The following PLCXD3 variants were observed in gnomAD, a reference collection of about 807,000 sequenced individuals.
The protein encoded by PLCXD3 is phosphatidylinositol specific phospholipase C X domain containing 3.
In PLCXD3, 19 loss-of-function variants were observed where a neutral mutation model predicts 25.5. The ratio of observed to expected loss-of-function variants is 0.75; its 90% CI spans 0.52 to 1.09. The LOEUF (loss-of-function observed/expected upper bound fraction) is 1.09. PLCXD3 is among the 50% of genes least tolerant of loss of function. PLCXD3 has a pLI of 0.00. For missense variants in PLCXD3, 411 were observed against 388.1 expected (o/e 1.06, Z -0.50); for synonymous variants, 174 against 137.6 (o/e 1.26, Z -1.85).
At chr5:41,334,515 C>G (rs1356300492) in intron 2 of PLCXD3, among the ~76,000 whole-genome samples, 1 of 152,094 alleles carries the variant, frequency 6.6e-6, no homozygotes, top group East Asian at 1.9e-4. Flanking sequence ...TTCAGTTTTC[C>G]AAGTGGAAAA....
intron 1 of PLCXD3, among the ~76,000 whole-genome samples, chr5:41,465,465 T>C (rs1228376503): frequency 6.8e-6 from 1 of 146,028 alleles, no homozygotes; most frequent in Non-Finnish European, 1.5e-5. Context: ...TATAAGTATG[T>C]GCCCAGTCTT....
At chr5:41,493,540 G>A (rs1748757094) in intron 1 of PLCXD3, among the ~76,000 whole-genome samples, 1 of 152,234 alleles carries the variant, frequency 6.6e-6, no homozygotes, top group Non-Finnish European at 1.5e-5. Flanking sequence ...CCCAGAGGTG[G>A]AGCCTGCAGA....
At chr5:41,453,916 AT>A in intron 1 of PLCXD3, among the ~76,000 whole-genome samples, 1 of 152,120 alleles carries the variant, frequency 6.6e-6, no homozygotes, top group Admixed American at 6.6e-5. Flanking sequence ...AATAATGGCC[AT>A]GACTTTTAGG....
chr5:41,385,518 A>C (rs140095046), intron 1 of PLCXD3, among the ~76,000 whole-genome samples: 1 of 152,232 alleles, frequency 6.6e-6, no homozygotes, highest in African/African-American at 2.4e-5. Flanking sequence ...CTTGGAAATA[A>C]GCACTTTAAT....
chr5:41,400,149 C>T (rs1746135014), intron 1 of PLCXD3, among the ~76,000 whole-genome samples: 1 of 152,062 alleles, frequency 6.6e-6, no homozygotes, highest in Admixed American at 6.6e-5. Context: ...TATCATCTCA[C>T]TCCAGTTAAA....
intron 1 of PLCXD3, among the ~76,000 whole-genome samples, chr5:41,477,927 G>C (rs1269059154): frequency 2.0e-5 from 3 of 152,148 alleles, no homozygotes; most frequent in Admixed American, 2.0e-4. Flanking sequence ...AAATTACAAA[G>C]TCACTCAAGA....
At chr5:41,410,896 T>A (rs931067966) in intron 1 of PLCXD3, among the ~76,000 whole-genome samples, 1 of 152,128 alleles carries the variant, frequency 6.6e-6, no homozygotes, top group African/African-American at 2.4e-5. Flanking sequence ...TTATGCCACC[T>A]TCTCCCCCGA....
Position 41,486,731 on chromosome 5 carries a change from G to A in PLCXD3, c.103+23693C>T, listed in dbSNP as rs780214097. Among the ~76,000 whole-genome samples, 6 of 152,162 alleles carry A rather than the reference G, an allele frequency of 3.9e-5. 1 individual carries two copies. Among genetic ancestry groups the A allele is most frequent in the African/African-American group, 1.2e-4 (5 of 41,448 alleles). On this transcript the variant is annotated intron_variant, in intron 1 of 2. Transcript: ENST00000377801. ...ATGATGTAATGGTCGAAAGAGCTAC[G>A]TTTATTGACTACTAACTCTGTGATA...
In PLCXD3 at chr5:41,358,728, C is replaced by T. The variant is rs1031811428; in HGVS notation, c.812+23098G>A. ...TTTATTTCTTTCTCTTGTCTGATTG[C>T]TCTGGCTAGGACTTTCAGTACTACG... On this transcript the variant is annotated intron_variant, in intron 2 of 2. Transcript: ENST00000377801. Among the ~76,000 whole-genome samples, 11 of 152,072 alleles carry T rather than the reference C, an allele frequency of 7.2e-5. No individual in the cohort carries two copies. In the South Asian group the frequency reaches 1.9e-3, roughly 26 times the overall value.
chr5:41,475,020 C>T (rs1430616806), intron 1 of PLCXD3, among the ~76,000 whole-genome samples: 4 of 152,176 alleles, frequency 2.6e-5, no homozygotes, highest in Non-Finnish European at 5.9e-5. Flanking sequence ...GAAGACAGTA[C>T]AAGCCAATTT....
chr5:41,504,408 G>A (rs897649403), intron 1 of PLCXD3, among the ~76,000 whole-genome samples: 11 of 152,100 alleles, frequency 7.2e-5, no homozygotes, highest in African/African-American at 2.4e-4. Flanking sequence ...CTTAGTCCCC[G>A]AGCAATGGAG....
At position 41,381,915 on chromosome 5, in the gene PLCXD3, C is replaced by T. The variant is rs375308462; in HGVS notation, c.723G>A (p.Ser241=). The change falls in exon 2 of 3, where the codon TCG becomes TCA. Residue 241 remains serine, a synonymous_variant. Transcript: ENST00000377801. ...ASITERRKKG[S]FFISQVVLTP... is the part of the protein sequence containing the mutation. ...TCAGCACCACCTGAGATATAAAAAACGATCCCTTCTTTCTTCTCTCAGTGA... is the reference window on the plus strand; with the variant it reads ...TCAGCACCACCTGAGATATAAAAAATGATCCCTTCTTTCTTCTCTCAGTGA... 50 of 1,613,426 alleles carry T rather than the reference C, an allele frequency of 3.1e-5. No homozygotes were observed. The highest frequency in any genetic ancestry group is 1.7e-4 in the Middle Eastern group (1 of 5,986).
At chr5:41,415,632 T>C in intron 1 of PLCXD3, among the ~76,000 whole-genome samples, 1 of 152,190 alleles carries the variant, frequency 6.6e-6, no homozygotes, top group Non-Finnish European at 1.5e-5. Context: ...CTGCATTTAG[T>C]AGGTAAATAG....
At chr5:41,444,442 C>T (rs1747451086) in intron 1 of PLCXD3, among the ~76,000 whole-genome samples, 1 of 152,148 alleles carries the variant, frequency 6.6e-6, no homozygotes, top group South Asian at 2.1e-4. Flanking sequence ...CCAACATCTT[C>T]TACCTGGGCA....
At chr5:41,471,523 G>T (rs1274690304) in intron 1 of PLCXD3, among the ~76,000 whole-genome samples, 1 of 152,036 alleles carries the variant, frequency 6.6e-6, no homozygotes, top group Non-Finnish European at 1.5e-5. Flanking sequence ...CTTGATTTCT[G>T]GCAAGTCTTG....
intron 1 of PLCXD3, among the ~76,000 whole-genome samples, chr5:41,383,893 A>G (rs904915167): frequency 2.0e-5 from 3 of 152,006 alleles, no homozygotes; most frequent in Non-Finnish European, 2.9e-5. Flanking sequence ...CTACGTCTAT[A>G]TTCCATATCT....
intron 1 of PLCXD3, among the ~76,000 whole-genome samples, chr5:41,475,278 G>A (rs751389906): frequency 4.6e-5 from 7 of 152,154 alleles, no homozygotes; most frequent in African/African-American, 7.2e-5. Flanking sequence ...GACTTGTAAC[G>A]GGGTTTGTCA....
intron 1 of PLCXD3, among the ~76,000 whole-genome samples, chr5:41,399,775 A>G (rs1746122426): frequency 6.6e-6 from 1 of 152,142 alleles, no homozygotes; most frequent in South Asian, 2.1e-4. Context: ...TTCCAGGACC[A>G]TGGTGTGGGC....
intron 1 of PLCXD3, among the ~76,000 whole-genome samples, chr5:41,461,237 G>C (rs972125620): frequency 3.2e-4 from 49 of 151,896 alleles, no homozygotes; most frequent in African/African-American, 1.2e-3. Context: ...AATATGCACT[G>C]GAAATAAAAG....
Sources: allele counts gnomAD v4.1 joint callset (sites outside exome capture counted in the v4.1 genomes callset), GRCh38; gene constraint gnomAD v4.1.1; transcripts MANE v1.5; gene names NCBI Gene and HGNC (gene_info 2026-07-23, HGNC 2026-07-21).